The following DNAAF11 variants were observed in gnomAD, a reference collection of about 807,000 sequenced individuals.
DNAAF11 encodes dynein axonemal assembly factor 11.
In DNAAF11, 45 loss-of-function variants were observed where a neutral mutation model predicts 60.8. The observed-to-expected ratio is 0.74, with a 90% confidence interval of 0.58 to 0.95. DNAAF11 has a LOEUF of 0.95. Among genes scored for constraint, DNAAF11 ranks in the 40% least tolerant of loss-of-function variants. DNAAF11 has a pLI of 0.00. For missense variants in DNAAF11, 546 were observed against 546.2 expected (o/e 1.00, Z 0.00); for synonymous variants, 191 against 183.5 (o/e 1.04, Z -0.33).
intron 10 of DNAAF11, among the ~76,000 whole-genome samples, chr8:132,594,864 G>A (rs545129035): frequency 6.6e-6 from 1 of 151,974 alleles, no homozygotes; most frequent in Non-Finnish European, 1.5e-5. Flanking sequence ...AGCAGTGTGA[G>A]AACGGACTAA....
At chr8:132,670,382 C>T (rs764999797) in intron 1 of DNAAF11, among the ~76,000 whole-genome samples, 2 of 152,196 alleles carry the variant, frequency 1.3e-5, no homozygotes, top group African/African-American at 4.8e-5. Context: ...ATCAATTAAA[C>T]GGGTGAATCC....
chr8:132,625,355 A>T lies in DNAAF11; in HGVS notation c.753T>A (p.Asn251Lys). The T allele has an allele frequency of 6.2e-7, 1 of 1,613,596 alleles. No homozygotes were observed. The highest frequency in any genetic ancestry group is 8.5e-7 in the Non-Finnish European group (1 of 1,179,690). The stretch of plus-strand genomic sequence containing the variant: ...ATTCAGGAGTAAACAAACAGGGCTT[A>T]TTCCAGAATTCCAAGTCATCTTCAC... ...DNSEDDLEFW[N>K]KPCLFTPESR... Residue 251 changes from asparagine to lysine, a missense_variant, in exon 6 of 12, where the codon AAT becomes AAA. Coordinates refer to ENST00000620350, the MANE Select transcript of DNAAF11 (RefSeq NM_012472.6).
chr8:132,635,476 T>C (rs1821201874), intron 4 of DNAAF11, among the ~76,000 whole-genome samples: 1 of 152,150 alleles, frequency 6.6e-6, no homozygotes, highest in South Asian at 2.1e-4. Context: ...TGCTAACAAA[T>C]CTGTTTCCCA....
chr8:132,574,932 C>G (rs1814584326), intron 11 of DNAAF11, among the ~76,000 whole-genome samples: 1 of 152,166 alleles, frequency 6.6e-6, no homozygotes, highest in Non-Finnish European at 1.5e-5. Flanking sequence ...ACCAAACACA[C>G]AGCATAAAGA....
At chr8:132,680,384 CT>C (rs965554542), upstream of DNAAF11, among the ~76,000 whole-genome samples, 47 of 151,158 alleles carry the variant, frequency 3.1e-4, no homozygotes, top group Non-Finnish European at 5.9e-4. Context: ...AGTGTGTGTG[CT>C]TTTTTTTTAT....
At chr8:132,674,740 T>C (rs1403483823) in intron 1 of DNAAF11, among the ~76,000 whole-genome samples, 1 of 152,116 alleles carries the variant, frequency 6.6e-6, no homozygotes, top group Non-Finnish European at 1.5e-5. Flanking sequence ...AATACAAAAA[T>C]TAGCCTGGCG....
At chr8:132,614,172 G>A (rs1314048455) in intron 8 of DNAAF11, among the ~76,000 whole-genome samples, 1 of 152,146 alleles carries the variant, frequency 6.6e-6, no homozygotes, top group Non-Finnish European at 1.5e-5. Flanking sequence ...GCTGGGCAGG[G>A]GTAGGTACTG....
Position 132,674,158 on chromosome 8 carries a change from A to AG in DNAAF11, c.10+1325dup, listed in dbSNP as rs1211749590. On this transcript the variant is annotated intron_variant, in intron 1 of 11. Coordinates refer to ENST00000620350, the MANE Select transcript of DNAAF11 (RefSeq NM_012472.6). ...GAGAAGGAGGAGGAAGAGGAGGAGG[A>AG]GAAGGAGAAGGAGGAGGAGGAGAAG... 2.2e-4 allele frequency among the ~76,000 whole-genome samples: 28 copies of AG among 126,894 alleles called. 1 individual carries two copies. Among genetic ancestry groups the AG allele is most frequent in the African/African-American group, 9.3e-4 (26 of 28,062 alleles). 83.2% of individuals were successfully genotyped at this position (126,894 alleles called of 152,430 possible). A position where few individuals can be genotyped will look rare whatever the true frequency, so the allele number is the denominator to read the frequency against.
intron 10 of DNAAF11, among the ~76,000 whole-genome samples, chr8:132,602,846 T>G (rs1041841922): frequency 1.3e-5 from 2 of 151,898 alleles, no homozygotes; most frequent in Non-Finnish European, 2.9e-5. Flanking sequence ...TAGAAAGGAT[T>G]TTCACTGGGT....
At position 132,571,220 on chromosome 8, in the gene DNAAF11, C is replaced by T. The variant is rs959467990; in HGVS notation, c.*1086G>A. On this transcript the variant is annotated 3_prime_UTR_variant, in exon 12 of 12. Coordinates refer to ENST00000620350, the MANE Select transcript of DNAAF11 (RefSeq NM_012472.6). ...TCTCCTTCACAGCTCTGAACACCACCTGACATAGTCTGTGTGTATGTATTT... is the reference window on the plus strand; with the variant it reads ...TCTCCTTCACAGCTCTGAACACCACTTGACATAGTCTGTGTGTATGTATTT... Among the ~76,000 whole-genome samples, 1 of 152,200 alleles carries T rather than the reference C, an allele frequency of 6.6e-6. No individual in the cohort carries two copies. The highest frequency in any genetic ancestry group is 1.5e-5 in the Non-Finnish European group (1 of 68,044).
chr8:132,674,877 A>G (rs949774301), intron 1 of DNAAF11, among the ~76,000 whole-genome samples: 1 of 152,100 alleles, frequency 6.6e-6, no homozygotes, highest in Non-Finnish European at 1.5e-5. Flanking sequence ...GACAGAGCAA[A>G]ACTCTTGTCT....
intron 1 of DNAAF11, among the ~76,000 whole-genome samples, chr8:132,674,046 A>AGGAGG (rs1825448233): frequency 9.8e-6 from 1 of 101,936 alleles, no homozygotes; most frequent in African/African-American, 4.1e-5. Context: ...GCAGGAGCAG[A>AGGAGG]AGGAGCAGGA....
Position 132,572,144 on chromosome 8 carries a change from C to G in DNAAF11, c.*162G>C. ...TTAAGACATACATTTTAATTTTAAG[C>G]TATCTTAAGGATATTACTATGCAAA... On this transcript the variant is annotated 3_prime_UTR_variant, in exon 12 of 12. Coordinates refer to ENST00000620350, the MANE Select transcript of DNAAF11 (RefSeq NM_012472.6). 1.0e-5 allele frequency: 5 copies of G among 495,034 alleles called. No homozygotes were observed. The highest frequency in any genetic ancestry group is 1.8e-5 in the Non-Finnish European group (5 of 279,994). The allele number at this position is 495,034 out of a possible 1,614,324, so 30.7% of individuals were successfully genotyped here.
chr8:132,651,967 T>C (rs1209633882), intron 3 of DNAAF11, among the ~76,000 whole-genome samples: 2 of 152,226 alleles, frequency 1.3e-5, no homozygotes, highest in African/African-American at 4.8e-5. Flanking sequence ...GTAATGGTAA[T>C]TTTTGAGAAT....
chr8:132,572,379 G>A lies in DNAAF11; in HGVS notation c.1328C>T (p.Pro443Leu). Residue 443 changes from proline to leucine, a missense_variant, in exon 12 of 12, where the codon CCT (proline) becomes CTT (leucine). Coordinates refer to ENST00000620350, the MANE Select transcript of DNAAF11 (RefSeq NM_012472.6). The part of the protein sequence containing the change: ...QEKKHTPRRR[P>L]EPKIIPSEED... The stretch of plus-strand genomic sequence containing the variant: ...CTCACTTGGTATAATTTTGGGTTCA[G>A]GTCGTCTTCTGGGTGTGTGTTTTTT... 1 of 1,614,044 alleles carries A rather than the reference G, an allele frequency of 6.2e-7. No individual in the cohort carries two copies. The highest frequency in any genetic ancestry group is 8.5e-7 in the Non-Finnish European group (1 of 1,179,942).
chr8:132,588,623 A>C (rs192256378), intron 10 of DNAAF11, among the ~76,000 whole-genome samples: 1 of 152,354 alleles, frequency 6.6e-6, no homozygotes, highest in Admixed American at 6.5e-5. Flanking sequence ...CTACTATGGA[A>C]GCCCAAGGGA....
Position 132,675,533 on chromosome 8 carries a change from G to T in DNAAF11, c.-40C>A. 1 of 1,553,212 alleles carries T rather than the reference G, an allele frequency of 6.4e-7. No homozygotes were observed. Among genetic ancestry groups the T allele is most frequent in the Non-Finnish European group, 8.7e-7 (1 of 1,144,772 alleles). ...TCGCTGACCCCGCAAGCCGGACCCG[G>T]ACCTCGAATGACGCTTTTCACCCTT... is the stretch of plus-strand genomic sequence containing the variant. On this transcript the variant is annotated 5_prime_UTR_variant, in exon 1 of 12. Transcript: ENST00000620350.
intron 8 of DNAAF11, among the ~76,000 whole-genome samples, chr8:132,612,171 G>C (rs1277142232): frequency 2.0e-5 from 3 of 152,074 alleles, no homozygotes; most frequent in Non-Finnish European, 2.9e-5. Context: ...AACCTCTCTA[G>C]GCCTCAGTTT....
intron 1 of DNAAF11, among the ~76,000 whole-genome samples, chr8:132,672,488 T>C (rs1825280756): frequency 6.6e-6 from 1 of 152,170 alleles, no homozygotes; most frequent in Non-Finnish European, 1.5e-5. Context: ...AGAGACAATA[T>C]AGCAAACATA....
Sources: allele counts gnomAD v4.1 joint callset (sites outside exome capture counted in the v4.1 genomes callset), GRCh38; gene constraint gnomAD v4.1.1; transcripts MANE v1.5; gene names NCBI Gene and HGNC (gene_info 2026-07-23, HGNC 2026-07-21).